NCAM2: variants seen among roughly 807,000 people sequenced by gnomAD.
The protein encoded by NCAM2 is N-CAM-2.
NCAM2 carries 30 observed loss-of-function variants against 98.1 expected under a neutral mutation model. The ratio of observed to expected loss-of-function variants is 0.31; its 90% confidence interval spans 0.23 to 0.41. The LOEUF is 0.41. Among genes scored for constraint, NCAM2 ranks in the 10% least tolerant of loss-of-function variants. The pLI is 1.00. For missense variants in NCAM2, 867 were observed against 1,005.8 expected, an observed-to-expected ratio of 0.86 and a Z score of 1.87; for synonymous variants, 368 against 342.4, an observed-to-expected ratio of 1.07 and a Z score of -0.83.
intron 16 of NCAM2, among the ~76,000 whole-genome samples, chr21:21,525,398 C>G (rs1035066187): frequency 2.6e-5 from 4 of 152,008 alleles, no homozygotes; most frequent in African/African-American, 9.7e-5. Context: ...CACCTTTATG[C>G]CAATAATTTG....
intron 1 of NCAM2, among the ~76,000 whole-genome samples, chr21:21,029,405 C>A (rs1055662162): frequency 6.6e-6 from 1 of 152,188 alleles, no homozygotes; most frequent in Admixed American, 6.5e-5. Context: ...AGTTTTAATC[C>A]ATACGTCCTT....
intron 9 of NCAM2, among the ~76,000 whole-genome samples, chr21:21,375,327 G>A (rs2076008916): frequency 1.3e-5 from 2 of 150,340 alleles, no homozygotes; most frequent in African/African-American, 4.9e-5. Flanking sequence ...ACTAAACTTC[G>A]TAACTAAAAG....
intron 1 of NCAM2, among the ~76,000 whole-genome samples, chr21:21,237,722 C>T (rs73228556): frequency 6.6e-6 from 1 of 151,876 alleles, no homozygotes; most frequent in African/African-American, 2.4e-5. Flanking sequence ...TTTCCCATAG[C>T]TATATTTCCT....
chr21:21,541,344 CA>C lies in NCAM2; in HGVS notation c.*3389del, dbSNP rs1990224422. 1 of 151,584 alleles carries C rather than the reference CA, an allele frequency of 6.6e-6. No individual in the cohort carries two copies. The highest frequency in any genetic ancestry group is 1.9e-4 in the East Asian group (1 of 5,168). The allele number at this position is 151,584 out of a possible 1,614,324, so 9.4% of individuals were successfully genotyped here. A position where few individuals can be genotyped will look rare whatever the true frequency, so the allele number is the denominator to read the frequency against. On this transcript the variant is annotated 3_prime_UTR_variant, in exon 18 of 18. Transcript: ENST00000400546. ...CTTATTTACAGTCAGTAATTAAGTT[CA>C]ATTCAAACTATTTTACCTTGAATAT...
intron 9 of NCAM2, among the ~76,000 whole-genome samples, chr21:21,392,781 C>T (rs140722637): frequency 0.013 from 1,919 of 152,222 alleles, 43 homozygotes; most frequent in African/African-American, 0.044. Flanking sequence ...GTTCTTTGCC[C>T]ACTTTTTAAT....
chr21:21,471,496 C>T (rs1002375751), intron 14 of NCAM2, among the ~76,000 whole-genome samples: 1 of 151,902 alleles, frequency 6.6e-6, no homozygotes, highest in Non-Finnish European at 1.5e-5. Flanking sequence ...ATGGTTTAGA[C>T]ATATTCAATA....
At chr21:21,423,399 T>C (rs1339453278) in intron 11 of NCAM2, among the ~76,000 whole-genome samples, 2 of 152,222 alleles carry the variant, frequency 1.3e-5, no homozygotes, top group African/African-American at 2.4e-5. Context: ...GGTATTATTA[T>C]GGCCTAATTA....
intron 1 of NCAM2, among the ~76,000 whole-genome samples, chr21:21,087,535 G>T (rs2065928365): frequency 6.6e-6 from 1 of 152,030 alleles, no homozygotes; most frequent in South Asian, 2.1e-4. Context: ...GCTATCTCTG[G>T]TCCCTGACCT....
intron 14 of NCAM2, among the ~76,000 whole-genome samples, chr21:21,475,246 C>T (rs1985014658): frequency 6.6e-6 from 1 of 151,988 alleles, no homozygotes; most frequent in Non-Finnish European, 1.5e-5. Flanking sequence ...TGTATTATTT[C>T]CAGGAAGGGT....
chr21:21,530,316 A>C (rs1989609914), intron 16 of NCAM2, among the ~76,000 whole-genome samples: 1 of 22,248 alleles, frequency 4.5e-5, no homozygotes, highest in Non-Finnish European at 9.4e-5. Flanking sequence ...AATTATATAT[A>C]ATTAAATTAA....
chr21:21,431,526 C>A (rs996053099), intron 11 of NCAM2, among the ~76,000 whole-genome samples: 1 of 151,928 alleles, frequency 6.6e-6, no homozygotes, highest in Non-Finnish European at 1.5e-5. Flanking sequence ...AATATCTCAA[C>A]TAAAGGTTTA....
At chr21:21,528,711 T>G (rs528859696) in intron 16 of NCAM2, among the ~76,000 whole-genome samples, 96 of 152,266 alleles carry the variant, frequency 6.3e-4, no homozygotes, top group African/African-American at 2.3e-3. Flanking sequence ...TACCTTCTAG[T>G]AGACATATTC....
At chr21:21,317,721 G>A (rs528974691) in intron 5 of NCAM2, among the ~76,000 whole-genome samples, 12 of 151,766 alleles carry the variant, frequency 7.9e-5, no homozygotes, top group African/African-American at 2.7e-4. Context: ...TTTTTGTAGC[G>A]ACAGGCTCTC....
intron 1 of NCAM2, among the ~76,000 whole-genome samples, chr21:21,136,620 C>G (rs1282515848): frequency 1.9e-5 from 2 of 105,432 alleles, no homozygotes; most frequent in African/African-American, 4.4e-5. Flanking sequence ...GGCCACCACG[C>G]CTGTTTTTTG....
Position 21,452,454 on chromosome 21 carries a change from G to T in NCAM2, c.1655-14152G>T, listed in dbSNP as rs75099988. ...TCATGGAATTTACATTGTCGGGGGG[G>T]AAGATGTATTTATAGATGCATCAAT... On this transcript the variant is annotated intron_variant, in intron 12 of 17. Coordinates refer to ENST00000400546, the MANE Select transcript of NCAM2 (RefSeq NM_004540.5). Among the ~76,000 whole-genome samples the T allele has an allele frequency of 9.3e-3, 1,288 of 139,026 alleles. 17 individuals carry two copies. The highest frequency in any genetic ancestry group is 0.033 in the African/African-American group (1,232 of 37,496). 91.2% of individuals were successfully genotyped at this position (139,026 alleles called of 152,430 possible).
At chr21:21,171,690 G>A (rs1193754880) in intron 1 of NCAM2, among the ~76,000 whole-genome samples, 1 of 152,086 alleles carries the variant, frequency 6.6e-6, no homozygotes, top group Non-Finnish European at 1.5e-5. Context: ...CAAGATTGGT[G>A]GGCAAAGAAA....
chr21:21,498,462 C>G (rs1246888686), intron 15 of NCAM2, among the ~76,000 whole-genome samples: 1 of 152,014 alleles, frequency 6.6e-6, no homozygotes, highest in Non-Finnish European at 1.5e-5. Flanking sequence ...ACATGTTGTA[C>G]CCATACAGCT....
chr21:21,103,659 G>A (rs929721153), intron 1 of NCAM2, among the ~76,000 whole-genome samples: 1 of 152,036 alleles, frequency 6.6e-6, no homozygotes, highest in Non-Finnish European at 1.5e-5. Flanking sequence ...TGTTGGTTAT[G>A]TTGTCTTTTG....
At chr21:21,197,521 T>C (rs1436678005) in intron 1 of NCAM2, among the ~76,000 whole-genome samples, 2 of 152,134 alleles carry the variant, frequency 1.3e-5, no homozygotes, top group Admixed American at 1.3e-4. Context: ...ATATATTTTA[T>C]AACCAAAGAG....
Sources: gnomAD v4.1 joint callset for allele counts (sites outside exome capture counted in the v4.1 genomes callset) on GRCh38, gnomAD v4.1.1 for gene constraint, MANE v1.5 for transcripts, NCBI Gene and HGNC (gene_info 2026-07-23, HGNC 2026-07-21) for gene names.